Variants in RABGEF1 observed in about 807,000 individuals in gnomAD.
The protein encoded by RABGEF1 is RAB guanine nucleotide exchange factor 1.
Under a neutral mutation model 57.3 loss-of-function variants are expected in RABGEF1, and 26 were observed. The observed-to-expected ratio is 0.45, with a 90% CI of 0.33 to 0.63. The LOEUF (loss-of-function observed/expected upper bound fraction) is 0.63, where lower values mean the gene tolerates loss of function less well. RABGEF1 is among the 20% of genes least tolerant of loss of function. The probability of loss-of-function intolerance (pLI) is 0.02; values close to 1 mark genes in which losing one functional copy is unlikely to be tolerated. For synonymous variants in RABGEF1, 185 were observed against 210.7 expected (o/e 0.88, Z 1.06); for missense variants, 464 against 607.6 (o/e 0.76, Z 2.48).
intron 1 of RABGEF1, among the ~76,000 whole-genome samples, chr7:66,770,159 C>T (rs1202892664): frequency 1.3e-5 from 2 of 152,192 alleles, no homozygotes; most frequent in Non-Finnish European, 2.9e-5. Context: ...AGTTGCATCA[C>T]CAGTGCCATC....
intron 1 of RABGEF1, among the ~76,000 whole-genome samples, chr7:66,765,032 C>T (rs1382610930): frequency 6.6e-6 from 1 of 151,792 alleles, no homozygotes; most frequent in Non-Finnish European, 1.5e-5. Flanking sequence ...GATTAGTCAA[C>T]TTAATTATAT....
intron 5 of RABGEF1, among the ~76,000 whole-genome samples, chr7:66,796,410 C>T (rs756578522): frequency 6.6e-6 from 1 of 152,124 alleles, no homozygotes; most frequent in Non-Finnish European, 1.5e-5. Flanking sequence ...GGATAAGTTT[C>T]ATCAGCATTC....
chr7:66,762,971 A>C (rs1469638345), intron 1 of RABGEF1, among the ~76,000 whole-genome samples: 1 of 152,238 alleles, frequency 6.6e-6, no homozygotes, highest in East Asian at 1.9e-4. Context: ...GTAAGTGGGA[A>C]GGATAGCAGT....
intron 1 of RABGEF1, among the ~76,000 whole-genome samples, chr7:66,690,037 CCAGA>C (rs958676836): frequency 3.3e-5 from 5 of 151,754 alleles, no homozygotes; most frequent in African/African-American, 4.8e-5. Context: ...ATAACTAGAG[CCAGA>C]CAAAGGCACT....
chr7:66,796,168 T>C (rs969052248), intron 5 of RABGEF1, among the ~76,000 whole-genome samples: 9 of 152,068 alleles, frequency 5.9e-5, no homozygotes, highest in African/African-American at 1.7e-4. Flanking sequence ...GAAAAACTTA[T>C]TGGAAGGCTT....
chr7:66,657,875 C>A, the RABGEF1 span, among the ~76,000 whole-genome samples: 1 of 152,010 alleles, frequency 6.6e-6, no homozygotes, highest in Non-Finnish European at 1.5e-5. Context: ...AAATTAGTCA[C>A]CTCACTATAC....
chr7:66,682,348 G>A lies in RABGEF1; in HGVS notation c.-873+90G>A, dbSNP rs1329309523. On this transcript the variant is annotated intron_variant and NMD_transcript_variant, in intron 1 of 9. Transcript: ENST00000607882. ...GGCTGTTGGTCCGTGACGTCCGCGC[G>A]GCCGGGACAGTTGCGCGTCGGTGCC... 5.9e-5 allele frequency: 9 copies of A among 153,634 alleles called. No homozygotes were observed. In the Admixed American group the frequency reaches 5.9e-4, roughly 10 times the overall value. The allele number at this position is 153,634 out of a possible 1,614,324, so 9.5% of individuals were successfully genotyped here.
chr7:66,750,440 C>T (rs1801153532), intron 1 of RABGEF1, among the ~76,000 whole-genome samples: 2 of 152,008 alleles, frequency 1.3e-5, no homozygotes, highest in African/African-American at 4.8e-5. Flanking sequence ...CTCCCAAGAG[C>T]CTATTTTTGG....
chr7:66,670,433 ATTTTTTTTTTTTT>A, the RABGEF1 span, among the ~76,000 whole-genome samples: 61 of 116,038 alleles, frequency 5.3e-4, no homozygotes, highest in South Asian at 9.5e-4. Context: ...GAATGAGATG[ATTTTTTTTTTTTT>A]TTTTTTTTTT....
At chr7:66,682,276 TG>T in intron 1 of RABGEF1, 1 of 161,372 alleles carries the variant, frequency 6.2e-6, no homozygotes. Flanking sequence ...GTGGACGGAC[TG>T]GGGCTAAGAG....
chr7:66,701,322 G>A (rs1414020254), intron 1 of RABGEF1, among the ~76,000 whole-genome samples: 2 of 152,164 alleles, frequency 1.3e-5, no homozygotes, highest in East Asian at 3.9e-4. Context: ...AACATAGCGA[G>A]ACCTCCACCT....
At chr7:66,798,886 C>T (rs546911169) in intron 6 of RABGEF1, among the ~76,000 whole-genome samples, 10 of 152,268 alleles carry the variant, frequency 6.6e-5, no homozygotes, top group African/African-American at 2.2e-4. Context: ...TGCTTGAACC[C>T]AGGATGCAGA....
At chr7:66,682,735 C>T (rs1298672985) in intron 1 of RABGEF1, among the ~76,000 whole-genome samples, 8 of 152,188 alleles carry the variant, frequency 5.3e-5, no homozygotes, top group Non-Finnish European at 7.3e-5. Context: ...GATCCCGCGT[C>T]GCCCTGGGGG....
intron 2 of RABGEF1, among the ~76,000 whole-genome samples, chr7:66,772,854 G>T (rs1237414361): frequency 6.6e-6 from 1 of 151,806 alleles, no homozygotes; most frequent in Non-Finnish European, 1.5e-5. Context: ...GGAGGTTGCA[G>T]TGAGCTGAGA....
At chr7:66,745,210 A>G (rs1799926804) in intron 1 of RABGEF1, among the ~76,000 whole-genome samples, 1 of 150,992 alleles carries the variant, frequency 6.6e-6, no homozygotes, top group Admixed American at 6.6e-5. Flanking sequence ...AAAAAATGAT[A>G]TCAGTACTTA....
chr7:66,666,036 G>A, the RABGEF1 span: 4 of 152,454 alleles, frequency 2.6e-5, no homozygotes, highest in Admixed American at 6.5e-5. Flanking sequence ...AAGCATTTCC[G>A]ACAGAGGAAG....
chr7:66,785,746 C>T (rs182935181), intron 4 of RABGEF1, among the ~76,000 whole-genome samples: 4 of 152,118 alleles, frequency 2.6e-5, no homozygotes, highest in East Asian at 3.9e-4. Flanking sequence ...TGGTGGCAGG[C>T]GCCTGTAGTC....
intron 1 of RABGEF1, among the ~76,000 whole-genome samples, chr7:66,744,540 C>T (rs1314630470): frequency 5.9e-5 from 9 of 151,528 alleles, no homozygotes; most frequent in South Asian, 2.1e-4. Context: ...TGGTGGCAGG[C>T]GCCTGTAGTC....
At chr7:66,716,577 A>G (rs1325202380) in intron 2 of RABGEF1, among the ~76,000 whole-genome samples, 4 of 152,168 alleles carry the variant, frequency 2.6e-5, no homozygotes, top group Non-Finnish European at 5.9e-5. Flanking sequence ...CTCCAGGCTG[A>G]GTGAAAGAGC....
Sources: gnomAD v4.1 joint callset for allele counts (sites outside exome capture counted in the v4.1 genomes callset) on GRCh38, gnomAD v4.1.1 for gene constraint, MANE v1.5 for transcripts, NCBI Gene and HGNC (gene_info 2026-07-23, HGNC 2026-07-21) for gene names.